The following SHBG variants were observed in gnomAD, a reference collection of about 807,000 sequenced individuals.
The protein encoded by SHBG is sex hormone binding globulin.
A neutral mutation model predicts 41.9 loss-of-function variants in SHBG; 37 were observed. That is an observed-to-expected ratio of 0.88 (90% CI 0.68 to 1.16). The LOEUF (loss-of-function observed/expected upper bound fraction) is 1.16, where lower values mean the gene tolerates loss of function less well. Ranked by LOEUF, SHBG falls within the 50% of genes most tolerant of loss-of-function variation. SHBG has a pLI of 0.00. For synonymous variants in SHBG, 217 were observed against 205.8 expected (o/e 1.05, Z -0.47); for missense variants, 466 against 499.9 (o/e 0.93, Z 0.65).
At chr17:7,614,100 T>G in exon 1 of SHBG, 2 of 513,768 alleles carry the variant, frequency 3.9e-6, no homozygotes, top group Non-Finnish European at 7.5e-6. Context: ...GAAGATGTGA[T>G]TAAGGTCTAA....
intron 4 of SHBG, 57 bp from the exon 5 acceptor site, chr17:7,631,532 T>G (rs111985414): frequency 1.1e-5 from 18 of 1,602,638 alleles, no homozygotes; most frequent in Non-Finnish European, 1.5e-5. Context: ...AGGTCGGGAC[T>G]GCGGCTCCGA....
chr17:7,614,146 T>G, intron 1 of SHBG: 2 of 609,534 alleles, frequency 3.3e-6, no homozygotes, highest in East Asian at 6.9e-5. Context: ...CACAGTCAAT[T>G]AGAAGCTGGG....
At chr17:7,627,628 G>A, upstream of SHBG, 1 of 1,613,898 alleles carries the variant, frequency 6.2e-7, no homozygotes, top group South Asian at 1.1e-5. The surrounding 1 kb of genome is among the most constrained non-coding windows in gnomAD (Gnocchi z 4.8). Flanking sequence ...GATCCGCACG[G>A]AAGCCATCCG....
chr17:7,627,842 C>G, upstream of SHBG: 1 of 662,752 alleles, frequency 1.5e-6, no homozygotes, highest in East Asian at 2.7e-5. This position sits in a 1 kb window ranked among gnomAD's most constrained non-coding sequence, Gnocchi z 4.8. Context: ...CGAGGCGATC[C>G]TCTGTCCGGG....
At chr17:7,629,834 A>G (rs1231759484), upstream of SHBG, among the ~76,000 whole-genome samples, 1 of 152,148 alleles carries the variant, frequency 6.6e-6, no homozygotes, top group Admixed American at 6.5e-5. Flanking sequence ...AGGCCTGTGA[A>G]TGCAGGCTCC....
chr17:7,621,190 T>G (rs1192832137), intron 1 of SHBG, among the ~76,000 whole-genome samples: 2 of 137,626 alleles, frequency 1.5e-5, no homozygotes, highest in East Asian at 2.1e-4. Flanking sequence ...GGTTGTGGAT[T>G]TGATCGCCAC....
In SHBG at chr17:7,630,333, C is replaced by T. The variant is rs771541734; in HGVS notation, c.111+50C>T. 7.4e-5 allele frequency: 117 copies of T among 1,588,364 alleles called. 1 individual carries two copies. The highest frequency in any genetic ancestry group is 6.9e-6 in the Non-Finnish European group (8 of 1,156,842). On this transcript the variant is annotated intron_variant, in intron 1 of 7. Coordinates refer to ENST00000380450, the MANE Select transcript of SHBG (RefSeq NM_001040.5). The surrounding 1 kb of genome is among the most constrained non-coding windows in gnomAD (Gnocchi z 4.6). ...AGCTCATGCAGTCTTCCCTTCTCTC[C>T]TCTGGCCCTGTAGCAGGGCCTCTCC...
intron 1 of SHBG, chr17:7,614,370 G>T: frequency 9.6e-7 from 1 of 1,038,800 alleles, no homozygotes; most frequent in Non-Finnish European, 1.4e-6. Flanking sequence ...AGCTCCAGAA[G>T]CTCGATCCCG....
intron 1 of SHBG, among the ~76,000 whole-genome samples, chr17:7,615,477 A>C (rs932825818): frequency 3.3e-5 from 5 of 152,250 alleles, no homozygotes; most frequent in Non-Finnish European, 5.9e-5. Context: ...TTTAACAGTC[A>C]TGGCTCTTAC....
At chr17:7,626,542 A>T (rs754624666), upstream of SHBG, 2 of 1,614,186 alleles carry the variant, frequency 1.2e-6, no homozygotes, top group Non-Finnish European at 1.7e-6. Flanking sequence ...AGGGCCTTGT[A>T]CAAGTCCATG....
chr17:7,627,832 C>T (rs745899905), upstream of SHBG: 1 of 670,620 alleles, frequency 1.5e-6, no homozygotes, highest in Non-Finnish European at 2.7e-6. The surrounding 1 kb of genome is among the most constrained non-coding windows in gnomAD (Gnocchi z 4.8). Flanking sequence ...AGTAGGCCAG[C>T]GAGGCGATCC....
At chr17:7,618,848 G>A (rs1023702143) in intron 1 of SHBG, among the ~76,000 whole-genome samples, 2 of 152,144 alleles carry the variant, frequency 1.3e-5, no homozygotes, top group African/African-American at 2.4e-5. Context: ...TCTCTGGACT[G>A]GAGCAGGTCT....
chr17:7,614,149 A>T, intron 1 of SHBG: 2 of 615,126 alleles, frequency 3.3e-6, no homozygotes, highest in South Asian at 3.0e-5. Flanking sequence ...AGTCAATTAG[A>T]AGCTGGGTAA....
chr17:7,630,966 C>A lies in SHBG; in HGVS notation c.393+97C>A. 1 of 1,158,218 alleles carries A rather than the reference C, an allele frequency of 8.6e-7. No individual in the cohort carries two copies. Among genetic ancestry groups the A allele is most frequent in the South Asian group, 1.3e-5 (1 of 77,358 alleles). 71.7% of individuals were successfully genotyped at this position (1,158,218 alleles called of 1,614,324 possible). On this transcript the variant is annotated intron_variant, in intron 3 of 7. Coordinates refer to ENST00000380450, the MANE Select transcript of SHBG (RefSeq NM_001040.5). The surrounding 1 kb of genome is among the most constrained non-coding windows in gnomAD (Gnocchi z 4.6). ...TTGGGCATCCCTCTACCACTGTCAT[C>A]TCGTTTAATCCACACGAACCCCCAC...
chr17:7,627,300 C>G (rs2072244048), upstream of SHBG: 1 of 1,612,898 alleles, frequency 6.2e-7, no homozygotes, highest in Admixed American at 1.7e-5. This position sits in a 1 kb window ranked among gnomAD's most constrained non-coding sequence, Gnocchi z 4.8. Flanking sequence ...GAGCTGTCGC[C>G]TGGGGAACCC....
exon 1 of SHBG, chr17:7,614,073 T>C (rs1218509690): frequency 6.2e-6 from 3 of 483,828 alleles, no homozygotes; most frequent in Non-Finnish European, 1.2e-5. Flanking sequence ...CAATTCTCCA[T>C]GTGCTTGGAT....
chr17:7,615,033 C>T (rs936769417), intron 1 of SHBG, among the ~76,000 whole-genome samples: 2 of 152,210 alleles, frequency 1.3e-5, no homozygotes, highest in African/African-American at 4.8e-5. Flanking sequence ...CACTCCCCCT[C>T]CTGGTCGCTT....
chr17:7,626,708 C>G, upstream of SHBG: 2 of 1,613,942 alleles, frequency 1.2e-6, no homozygotes, highest in South Asian at 2.2e-5. Flanking sequence ...TCCATATACC[C>G]TTGCTTCTTC....
At chr17:7,632,427 T>C (rs1057240888) in intron 6 of SHBG, among the ~76,000 whole-genome samples, 2 of 152,076 alleles carry the variant, frequency 1.3e-5, no homozygotes, top group Non-Finnish European at 2.9e-5. Flanking sequence ...TGGGCCACAG[T>C]GAGACCCTGT....
Sources: gnomAD v4.1 joint callset for allele counts (sites outside exome capture counted in the v4.1 genomes callset) on GRCh38, gnomAD v4.1.1 for gene constraint, Gnocchi (gnomAD v3.1) non-coding constraint, MANE v1.5 for transcripts, NCBI Gene and HGNC (gene_info 2026-07-23, HGNC 2026-07-21) for gene names.